The following MYO1F variants were observed in gnomAD, a reference collection of about 807,000 sequenced individuals.
MYO1F encodes unconventional myosin-If.
In MYO1F, 60 loss-of-function variants were observed where a neutral mutation model predicts 146.6. The observed-to-expected ratio is 0.41, with a 90% CI of 0.33 to 0.51. The LOEUF (loss-of-function observed/expected upper bound fraction) is 0.51, where lower values mean the gene tolerates loss of function less well. Among genes scored for constraint, MYO1F ranks in the 20% least tolerant of loss-of-function variants. MYO1F has a pLI of 0.25. For synonymous variants in MYO1F, 602 were observed against 602.1 expected, an observed-to-expected ratio of 1.00 and a Z score of 0.00; for missense variants, 1,274 against 1,534.3, an observed-to-expected ratio of 0.83 and a Z score of 2.83.
chr19:8,525,730 C>T lies in MYO1F; in HGVS notation c.2771-168G>A, dbSNP rs145378255. On this transcript the variant is annotated intron_variant, in intron 24 of 27. Transcript: ENST00000644032. ...TGGCTCCGCCCACTAATTGGCCTCG[C>T]CCCCCAAGGGCCCAACACCTCACTG... Among the ~76,000 whole-genome samples, 1,204 of 152,172 alleles carry T rather than the reference C, an allele frequency of 7.9e-3. 9 individuals carry two copies. Among genetic ancestry groups the T allele is most frequent in the African/African-American group, 0.027 (1,120 of 41,500 alleles).
At chr19:8,564,388 A>C (rs972149784) in intron 1 of MYO1F, among the ~76,000 whole-genome samples, 5 of 152,104 alleles carry the variant, frequency 3.3e-5, no homozygotes, top group Non-Finnish European at 5.9e-5. Flanking sequence ...TCTTGAAAAC[A>C]ACAAAAAAAG....
intron 1 of MYO1F, among the ~76,000 whole-genome samples, chr19:8,561,860 G>A (rs1009963487): frequency 2.0e-5 from 3 of 151,580 alleles, no homozygotes; most frequent in Non-Finnish European, 4.4e-5. Flanking sequence ...GGGACTATAG[G>A]CGCGCACCAC....
chr19:8,566,238 G>T (rs1377159612), intron 1 of MYO1F, among the ~76,000 whole-genome samples: 1 of 142,758 alleles, frequency 7.0e-6, no homozygotes, highest in Non-Finnish European at 1.5e-5. Context: ...CATGATCTCG[G>T]CTCACTGCAA....
At chr19:8,566,206 C>T (rs1331184630) in intron 1 of MYO1F, among the ~76,000 whole-genome samples, 2 of 133,656 alleles carry the variant, frequency 1.5e-5, no homozygotes, top group South Asian at 2.3e-4. Context: ...CTTGCTTTCT[C>T]GCCCAGGCTG....
At chr19:8,555,907 T>G in intron 1 of MYO1F, 111 bp from the exon 2 acceptor site, 1 of 1,113,994 alleles carries the variant, frequency 9.0e-7, no homozygotes, top group Non-Finnish European at 1.3e-6. Context: ...CCCACCTCCA[T>G]TCCTCCTTCC....
intron 1 of MYO1F, among the ~76,000 whole-genome samples, chr19:8,560,492 A>G (rs370799653): frequency 1.6e-3 from 167 of 102,892 alleles, no homozygotes; most frequent in African/African-American, 4.5e-3. Flanking sequence ...TCTTAAAAAA[A>G]GGAAAAAAAA....
rs747086449 is a variant in MYO1F at position 8,537,010 on chromosome 19, G to A, written c.1738C>T (p.His580Tyr). 2.5e-6 allele frequency: 4 copies of A among 1,613,532 alleles called. No homozygotes were observed. The South Asian group carries it at 3.3e-5, about 13-fold the overall frequency. ...LVATLMRCTP[H>Y]YIRCIKPNET... ...TTGGGTTTGATGCAGCGGATGTAGT[G>A]GGGTGTGCACCTCATCAGTGTGGCC... Residue 580 changes from histidine (H) to tyrosine (Y), a missense_variant, in exon 17 of 28, where the codon CAC (histidine) becomes TAC (tyrosine). By Grantham distance (83) the His-to-Tyr change is moderately conservative (BLOSUM62 2). This residue lies in a region of MYO1F where 900 missense variants were observed against 1,155.1 expected (regional missense o/e 0.78). Coordinates refer to ENST00000644032, the MANE Select transcript of MYO1F (RefSeq NM_012335.4).
intron 2 of MYO1F, 99 bp from the exon 3 acceptor site, chr19:8,554,842 T>C: frequency 8.9e-7 from 1 of 1,126,878 alleles, no homozygotes; most frequent in Non-Finnish European, 1.3e-6. Context: ...CTCCATTGCT[T>C]GGAGGTGGAA....
rs992594180 is a variant in MYO1F, at chr19:8,526,550, G to C, written c.2673C>G (p.Ser891Arg). The C allele has an allele frequency of 6.3e-7, 1 of 1,596,236 alleles. No homozygotes were observed. Among genetic ancestry groups the C allele is most frequent in the Non-Finnish European group, 8.5e-7 (1 of 1,173,716 alleles). ...KEGWGGGGTR[S>R]VTFSRGFGDL... ...CGCCGAAGCCGCGGGAGAAGGTGAC[G>C]CTGCGGGTGCCGCCACCGCCCCAGC... Residue 891 changes from serine (S) to arginine (R), a missense_variant, in exon 24 of 28, where the codon AGC (serine) becomes AGG (arginine). Ser to Arg is a moderately radical substitution (Grantham distance 110). Around this residue, in one of 2 missense-constraint regions of MYO1F, gnomAD observed 374 missense variants for 379.2 expected, o/e 0.99. Transcript: ENST00000644032.
chr19:8,552,332 C>T (rs1208986189), intron 6 of MYO1F, among the ~76,000 whole-genome samples, 168 bp from the exon 7 acceptor site: 1 of 151,948 alleles, frequency 6.6e-6, no homozygotes, highest in East Asian at 1.9e-4. Context: ...AATGTCGGCT[C>T]ACTGCAACGT....
At chr19:8,560,502 A>AG (rs898698751) in intron 1 of MYO1F, among the ~76,000 whole-genome samples, 1 of 150,864 alleles carries the variant, frequency 6.6e-6, no homozygotes, top group Admixed American at 6.6e-5. Flanking sequence ...AGGAAAAAAA[A>AG]AAAAGAACAG....
intron 1 of MYO1F, among the ~76,000 whole-genome samples, chr19:8,558,650 G>A (rs142841757): frequency 3.3e-3 from 504 of 152,216 alleles, no homozygotes; most frequent in Middle Eastern, 0.014. Context: ...CAAAGGAGTA[G>A]TCTGACAGAT....
At position 8,539,975 on chromosome 19, in the gene MYO1F, C is replaced by T. The variant is rs981646644; in HGVS notation, c.1664G>A (p.Arg555His). ...GATCTTGGAGCCGGCGGTGCTGGGG[C>T]GCCCCTTCTTGTCTCCATCCAGCTT... ...PEKLDGDKKG[R>H]PSTAGSKIKK... The change falls in exon 16 of 28, where the codon CGC becomes CAC. Residue 555 changes from arginine to histidine, a missense_variant. Around this residue, in one of 2 missense-constraint regions of MYO1F, gnomAD observed 900 missense variants for 1,155.1 expected, o/e 0.78. Transcript: ENST00000644032. The T allele has an allele frequency of 2.5e-6, 4 of 1,612,408 alleles. No homozygotes were observed. The highest frequency in any genetic ancestry group is 1.1e-5 in the South Asian group (1 of 90,844).
In MYO1F at chr19:8,541,911, A is replaced by C. The variant is rs1972991311; in HGVS notation, c.1605T>G (p.Ser535Arg). The change falls in exon 15 of 28, where the codon AGT (serine) becomes AGG (arginine). Residue 535 changes from serine (S) to arginine (R), a missense_variant. By Grantham distance (110) the Ser-to-Arg change is moderately radical. Around this residue, in one of 2 missense-constraint regions of MYO1F, gnomAD observed 900 missense variants for 1,155.1 expected, o/e 0.78. Transcript: ENST00000644032. ...FSDLIELMQT[S>R]EQAFLRMLFP... ...CCATGCCTGGGACCACTCACTGCTCACTGGTCTGCATCAGCTCTATGAGGT... is the reference window on the plus strand; with the variant it reads ...CCATGCCTGGGACCACTCACTGCTCCCTGGTCTGCATCAGCTCTATGAGGT... 1 of 1,613,354 alleles carries C rather than the reference A, an allele frequency of 6.2e-7. No homozygotes were observed. Among genetic ancestry groups the C allele is most frequent in the Non-Finnish European group, 8.5e-7 (1 of 1,179,832 alleles).
intron 23 of MYO1F, 85 bp downstream of exon 23, chr19:8,526,704 G>T: frequency 2.0e-6 from 3 of 1,532,556 alleles, no homozygotes; most frequent in South Asian, 1.2e-5. Context: ...GGGCCGAAGC[G>T]CAGTTCGGCC....
intron 1 of MYO1F, among the ~76,000 whole-genome samples, chr19:8,563,801 C>T (rs1001211001): frequency 9.9e-5 from 15 of 151,900 alleles, no homozygotes; most frequent in African/African-American, 7.2e-5. Context: ...GGTGAGCCAC[C>T]GCGCCTGGCT....
chr19:8,527,896 C>T (rs753113522), intron 21 of MYO1F, among the ~76,000 whole-genome samples: 14 of 152,084 alleles, frequency 9.2e-5, no homozygotes, highest in Non-Finnish European at 1.3e-4. Flanking sequence ...TACAGGTGTG[C>T]GCCACCACGC....
In MYO1F at chr19:8,527,405, T is replaced by C. The variant is rs1193430250; in HGVS notation, c.2407A>G (p.Lys803Glu). 1 of 1,614,056 alleles carries C rather than the reference T, an allele frequency of 6.2e-7. No individual in the cohort carries two copies. The highest frequency in any genetic ancestry group is 1.3e-5 in the African/African-American group (1 of 75,016). Residue 803 changes from lysine (K) to glutamate (E), a missense_variant, in exon 22 of 28, where the codon AAG becomes GAG. Around this residue, in one of 2 missense-constraint regions of MYO1F, gnomAD observed 900 missense variants for 1,155.1 expected, o/e 0.78. Coordinates refer to ENST00000644032, the MANE Select transcript of MYO1F (RefSeq NM_012335.4). ...TTCAAGACTTCACACACCTGGCCCTTCTCAGGTCCCTTCTTCACTTTCTCT... is the reference window on the plus strand; with the variant it reads ...TTCAAGACTTCACACACCTGGCCCTCCTCAGGTCCCTTCTTCACTTTCTCT... ...GREKVKKGPE[K>E]GQVCEVLKKK...
rs114942456 is a variant in MYO1F, at chr19:8,545,084, C to T, written c.1356+566G>A. ...TGAGCCACCATGTCCCGCCTAAATA[C>T]GTCTTAAATTTAATTTTTTTTGAGA... On this transcript the variant is annotated intron_variant, in intron 13 of 27. Transcript: ENST00000644032. Among the ~76,000 whole-genome samples the T allele has an allele frequency of 3.0e-3, 453 of 149,626 alleles. 5 individuals are homozygous for T. Among genetic ancestry groups the T allele is most frequent in the African/African-American group, 8.8e-3 (358 of 40,512 alleles).
Sources: gnomAD v4.1 joint callset for allele counts (sites outside exome capture counted in the v4.1 genomes callset) on GRCh38, gnomAD v4.1.1 for gene constraint, gnomAD v4.1.1 regional missense constraint, MANE v1.5 for transcripts, NCBI Gene and HGNC (gene_info 2026-07-23, HGNC 2026-07-21) for gene names.